ARHGAP15: variants seen among roughly 807,000 people sequenced by gnomAD.
ARHGAP15 encodes Rho GTPase activating protein 15.
A neutral mutation model predicts 63.7 loss-of-function variants in ARHGAP15; 51 were observed. That is an observed-to-expected ratio of 0.80 (90% CI 0.64 to 1.01). The LOEUF is 1.01. Among genes scored for constraint, ARHGAP15 ranks in the 50% least tolerant of loss-of-function variants. ARHGAP15 has a pLI of 0.00. For missense variants in ARHGAP15, 560 were observed against 564.6 expected (o/e 0.99, Z 0.08); for synonymous variants, 191 against 193.8 (o/e 0.99, Z 0.12).
chr2:143,579,569 C>A (rs1436343115), intron 11 of ARHGAP15, among the ~76,000 whole-genome samples: 1 of 152,098 alleles, frequency 6.6e-6, no homozygotes, highest in Admixed American at 6.6e-5. Context: ...GATAGGTGTG[C>A]CCACGACCGT....
chr2:143,296,662 G>A (rs866030383), intron 6 of ARHGAP15, among the ~76,000 whole-genome samples: 5 of 151,912 alleles, frequency 3.3e-5, no homozygotes, highest in South Asian at 2.1e-4. Context: ...TTAGAAACTC[G>A]ATCTTCACAT....
At chr2:143,273,224 A>G (rs773125964) in intron 6 of ARHGAP15, among the ~76,000 whole-genome samples, 19 of 152,276 alleles carry the variant, frequency 1.2e-4, no homozygotes, top group South Asian at 1.0e-3. Flanking sequence ...AATTGTTGAC[A>G]TCCAAAAGTG....
At chr2:143,187,380 C>T (rs1352096096) in intron 2 of ARHGAP15, among the ~76,000 whole-genome samples, 1 of 152,100 alleles carries the variant, frequency 6.6e-6, no homozygotes, top group Non-Finnish European at 1.5e-5. Flanking sequence ...CAATCTGAAG[C>T]CTTAAGAGCA....
chr2:143,692,899 G>A (rs763329283), intron 12 of ARHGAP15, among the ~76,000 whole-genome samples: 2 of 152,154 alleles, frequency 1.3e-5, no homozygotes, highest in Non-Finnish European at 2.9e-5. Context: ...ATCACTGCAA[G>A]ATACTGCACC....
At position 143,141,874 on chromosome 2, in the gene ARHGAP15, G is replaced by C. The variant is rs189002448; in HGVS notation, c.-15+12408G>C. Among the ~76,000 whole-genome samples, 264 of 152,110 alleles carry C rather than the reference G, an allele frequency of 1.7e-3. 2 individuals carry two copies. The highest frequency in any genetic ancestry group is 2.8e-4 in the Non-Finnish European group (19 of 67,992). ...TGTTCCTAGGGGTGATTGACACTAC[G>C]AGCCACAGTCGGGAATGCCTGCAGG... On this transcript the variant is annotated intron_variant, in intron 1 of 13. Coordinates refer to ENST00000295095, the MANE Select transcript of ARHGAP15 (RefSeq NM_018460.4).
chr2:143,496,011 A>G lies in ARHGAP15; in HGVS notation c.826+8516A>G, dbSNP rs74561008. ...ATCTTCTTTTTTAAAAAACTTCTTT[A>G]TGGTTCAAAATTGAACTGTGATCTT... On this transcript the variant is annotated intron_variant, in intron 9 of 13. Transcript: ENST00000295095. 2.3e-4 allele frequency among the ~76,000 whole-genome samples: 35 copies of G among 152,286 alleles called. No homozygotes were observed. In the East Asian group the frequency reaches 6.6e-3, roughly 29 times the overall value.
At chr2:143,457,206 G>A (rs942638363) in intron 8 of ARHGAP15, among the ~76,000 whole-genome samples, 1 of 152,010 alleles carries the variant, frequency 6.6e-6, no homozygotes, top group African/African-American at 2.4e-5. Context: ...ATGAGCACCA[G>A]AATATAAAAT....
At chr2:143,656,863 T>C (rs1398098394) in intron 12 of ARHGAP15, among the ~76,000 whole-genome samples, 1 of 151,760 alleles carries the variant, frequency 6.6e-6, no homozygotes, top group Non-Finnish European at 1.5e-5. Context: ...AAGCAGAACT[T>C]GGTCACAAAG....
chr2:143,538,869 TG>T (rs1694905583), intron 10 of ARHGAP15, among the ~76,000 whole-genome samples: 1 of 152,238 alleles, frequency 6.6e-6, no homozygotes, highest in South Asian at 2.1e-4. Flanking sequence ...TGCCAGGCTT[TG>T]GTATCAGGAC....
chr2:143,153,882 C>CTCCTCT (rs1558779883), intron 1 of ARHGAP15, among the ~76,000 whole-genome samples: 8 of 80,682 alleles, frequency 9.9e-5, no homozygotes, highest in African/African-American at 1.8e-4. Flanking sequence ...CTTCCTCCTC[C>CTCCTCT]TCCTCCTCCT....
intron 12 of ARHGAP15, among the ~76,000 whole-genome samples, chr2:143,683,117 A>G (rs1275327222): frequency 6.6e-6 from 1 of 152,210 alleles, no homozygotes; most frequent in Non-Finnish European, 1.5e-5. Context: ...ATGATAAAAA[A>G]CAGGTTGTAA....
In ARHGAP15 at chr2:143,767,965, ATTTTT is replaced by A; in HGVS notation, c.1245-19_1245-15del. The A allele has an allele frequency of 6.3e-7, 1 of 1,582,956 alleles. No individual in the cohort carries two copies. The highest frequency in any genetic ancestry group is 8.6e-7 in the Non-Finnish European group (1 of 1,160,826). On this transcript the variant is annotated intron_variant, in intron 13 of 13. Transcript: ENST00000295095. ...CTTCACTTCAAACTCCAGTGAAATT[ATTTTT>A]TTTTCTCTCTCTCCACAGGATAGTG...
intron 11 of ARHGAP15, among the ~76,000 whole-genome samples, chr2:143,581,409 A>G (rs532347857): frequency 4.6e-5 from 7 of 151,654 alleles, no homozygotes; most frequent in South Asian, 4.2e-4. Context: ...CCCCACACCC[A>G]CCTACAAATC....
Position 143,421,467 on chromosome 2 carries a change from G to A in ARHGAP15, c.475-14134G>A, listed in dbSNP as rs1688913168. On this transcript the variant is annotated intron_variant, in intron 6 of 13. Transcript: ENST00000295095. ...GGAAGGAGGGACAAAGGGACTGGGAGAGAAAGAGGGAGGAAAAGAGAAAGA... is the reference window on the plus strand; with the variant it reads ...GGAAGGAGGGACAAAGGGACTGGGAAAGAAAGAGGGAGGAAAAGAGAAAGA... Among the ~76,000 whole-genome samples, 4 of 152,108 alleles carry A rather than the reference G, an allele frequency of 2.6e-5. No individual in the cohort carries two copies. In the South Asian group the frequency reaches 8.3e-4, roughly 32 times the overall value.
chr2:143,475,557 C>T (rs1182494457), intron 8 of ARHGAP15, among the ~76,000 whole-genome samples: 1 of 152,220 alleles, frequency 6.6e-6, no homozygotes, highest in Admixed American at 6.5e-5. Flanking sequence ...GGGAGGCTAC[C>T]ACTCTGACAA....
At chr2:143,515,635 C>T (rs1693782878) in intron 9 of ARHGAP15, among the ~76,000 whole-genome samples, 1 of 152,168 alleles carries the variant, frequency 6.6e-6, no homozygotes, top group Non-Finnish European at 1.5e-5. Flanking sequence ...AGTCACTTTC[C>T]TAGACATTTC....
chr2:143,323,894 C>CAAAAAAAAAAAAAAAA (rs55804357), intron 6 of ARHGAP15, among the ~76,000 whole-genome samples: 2 of 26,174 alleles, frequency 7.6e-5, no homozygotes, highest in African/African-American at 3.8e-4. Context: ...GACTCCGTCT[C>CAAAAAAAAAAAAAAAA]AAAAAAAAAA....
chr2:143,683,121 G>T (rs1683181233), intron 12 of ARHGAP15, among the ~76,000 whole-genome samples: 2 of 152,130 alleles, frequency 1.3e-5, no homozygotes, highest in South Asian at 4.1e-4. Context: ...TAAAAAACAG[G>T]TTGTAAGGAC....
At chr2:143,297,562 T>C (rs917835724) in intron 6 of ARHGAP15, among the ~76,000 whole-genome samples, 3 of 151,978 alleles carry the variant, frequency 2.0e-5, no homozygotes, top group African/African-American at 4.8e-5. Flanking sequence ...TCAAAGCCAT[T>C]TTCAGGTGAC....
Sources: gnomAD v4.1 joint callset for allele counts (sites outside exome capture counted in the v4.1 genomes callset) on GRCh38, gnomAD v4.1.1 for gene constraint, MANE v1.5 for transcripts, NCBI Gene and HGNC (gene_info 2026-07-23, HGNC 2026-07-21) for gene names.